The following PCMTD1 variants were observed in gnomAD, a reference collection of about 807,000 sequenced individuals.
PCMTD1 encodes protein-L-isoaspartate O-methyltransferase domain-containing protein 1.
A neutral mutation model predicts 37.6 loss-of-function variants in PCMTD1; 12 were observed. That is an observed-to-expected ratio of 0.32 (90% CI 0.20 to 0.52). The LOEUF (loss-of-function observed/expected upper bound fraction) is 0.52, where lower values mean the gene tolerates loss of function less well. PCMTD1 is among the 20% of genes least tolerant of loss of function. The pLI is 0.97. For synonymous variants in PCMTD1, 117 were observed against 135.8 expected (o/e 0.86, Z 0.96); for missense variants, 235 against 421.3 (o/e 0.56, Z 3.87).
intron 1 of PCMTD1, among the ~76,000 whole-genome samples, chr8:51,869,215 T>G (rs1383723998): frequency 1.3e-5 from 2 of 152,198 alleles, no homozygotes; most frequent in East Asian, 3.8e-4. Flanking sequence ...ACAATTTTTT[T>G]TATGAAAGTA....
At chr8:51,825,920 T>C (rs2037915380) in intron 5 of PCMTD1, among the ~76,000 whole-genome samples, 1 of 134,168 alleles carries the variant, frequency 7.5e-6, no homozygotes, top group East Asian at 1.9e-4. Context: ...GTAAATTAGT[T>C]CAACCATTGT....
intron 3 of PCMTD1, among the ~76,000 whole-genome samples, chr8:51,842,407 T>C (rs1390889941): frequency 6.6e-6 from 1 of 152,142 alleles, no homozygotes; most frequent in Non-Finnish European, 1.5e-5. Flanking sequence ...CTTGGCTTAC[T>C]GCAACCTCTG....
At chr8:51,852,014 G>A (rs2038315470) in intron 2 of PCMTD1, among the ~76,000 whole-genome samples, 1 of 152,106 alleles carries the variant, frequency 6.6e-6, no homozygotes, top group Non-Finnish European at 1.5e-5. Flanking sequence ...TCATTCCACT[G>A]CACATCTATT....
intron 1 of PCMTD1, among the ~76,000 whole-genome samples, chr8:51,896,854 G>C (rs1180719035): frequency 1.4e-5 from 2 of 145,088 alleles, no homozygotes; most frequent in African/African-American, 5.1e-5. Context: ...CTTGGATTAA[G>C]CACTCCTGAA....
intron 5 of PCMTD1, among the ~76,000 whole-genome samples, chr8:51,821,108 T>G (rs570435596): frequency 6.6e-6 from 1 of 152,186 alleles, no homozygotes; most frequent in Non-Finnish European, 1.5e-5. Context: ...TACTTATTCA[T>G]AACAACAGAT....
chr8:51,848,745 AAAC>A (rs1462269238), intron 2 of PCMTD1, among the ~76,000 whole-genome samples: 1 of 152,186 alleles, frequency 6.6e-6, no homozygotes, highest in Non-Finnish European at 1.5e-5. Flanking sequence ...AGAATTTGAC[AAAC>A]AATATAAATA....
chr8:51,871,424 C>T (rs1275044684), intron 1 of PCMTD1, among the ~76,000 whole-genome samples: 1 of 152,202 alleles, frequency 6.6e-6, no homozygotes, highest in Non-Finnish European at 1.5e-5. Flanking sequence ...TCCGTGCTCA[C>T]AGGGAGTCTC....
intron 2 of PCMTD1, among the ~76,000 whole-genome samples, chr8:51,857,716 T>C (rs550691257): frequency 2.6e-5 from 4 of 152,290 alleles, no homozygotes; most frequent in African/African-American, 7.2e-5. Context: ...CAATTTGAAA[T>C]TGAAAAACAT....
intron 2 of PCMTD1, among the ~76,000 whole-genome samples, chr8:51,846,059 G>T (rs1280098988): frequency 6.6e-6 from 1 of 152,150 alleles, no homozygotes; most frequent in Admixed American, 6.6e-5. Context: ...GGACAAAACT[G>T]CCAAAAGAAT....
intron 1 of PCMTD1, among the ~76,000 whole-genome samples, chr8:51,869,576 C>T (rs1563355465): frequency 1.3e-5 from 2 of 152,048 alleles, no homozygotes; most frequent in Non-Finnish European, 2.9e-5. Context: ...ACTTCAGTCA[C>T]AATTTTTACT....
In PCMTD1 at chr8:51,898,947, G is replaced by T; in HGVS notation, c.-113C>A. On this transcript the variant is annotated 5_prime_UTR_variant, in exon 1 of 6. Transcript: ENST00000522514. Reference sequence around the variant, plus strand: ...GGCGTTACCTGTGGCGCGGGCAGCGGCGCGCAGGCCAGGCGCTAGGACTCG... The same window carrying T: ...GGCGTTACCTGTGGCGCGGGCAGCGTCGCGCAGGCCAGGCGCTAGGACTCG... 1 of 1,417,954 alleles carries T rather than the reference G, an allele frequency of 7.1e-7. No homozygotes were observed. Among genetic ancestry groups the T allele is most frequent in the Non-Finnish European group, 9.2e-7 (1 of 1,086,820 alleles). 87.8% of individuals were successfully genotyped at this position (1,417,954 alleles called of 1,614,324 possible). A position where few individuals can be genotyped will look rare whatever the true frequency, so the allele number is the denominator to read the frequency against.
intron 2 of PCMTD1, among the ~76,000 whole-genome samples, chr8:51,857,380 T>C (rs925334001): frequency 1.3e-5 from 2 of 152,206 alleles, no homozygotes; most frequent in African/African-American, 2.4e-5. Context: ...ATAAGATACC[T>C]AGAATTTTTA....
intron 1 of PCMTD1, among the ~76,000 whole-genome samples, chr8:51,892,161 T>G (rs1482868777): frequency 6.6e-6 from 1 of 152,176 alleles, no homozygotes; most frequent in Non-Finnish European, 1.5e-5. Context: ...AATAACCACA[T>G]ACAATATTGT....
chr8:51,871,127 A>G (rs2038633406), intron 1 of PCMTD1, among the ~76,000 whole-genome samples: 1 of 152,172 alleles, frequency 6.6e-6, no homozygotes, highest in Non-Finnish European at 1.5e-5. Flanking sequence ...AAGACTGGAA[A>G]GGGGAAACAA....
At chr8:51,830,143 C>G (rs1232696825) in intron 5 of PCMTD1, among the ~76,000 whole-genome samples, 1 of 152,168 alleles carries the variant, frequency 6.6e-6, no homozygotes, top group African/African-American at 2.4e-5. Flanking sequence ...TTGTTGGCCC[C>G]TCCTTCGCTA....
intron 4 of PCMTD1, among the ~76,000 whole-genome samples, chr8:51,832,813 T>C (rs2038015953): frequency 6.6e-6 from 1 of 152,210 alleles, no homozygotes; most frequent in African/African-American, 2.4e-5. Flanking sequence ...GTTTTATTAA[T>C]GAAGTTAAGT....
At chr8:51,827,206 A>AT (rs1451581050) in intron 5 of PCMTD1, 2 of 1,137,380 alleles carry the variant, frequency 1.8e-6, no homozygotes, top group African/African-American at 1.6e-5. Flanking sequence ...TGAAGCTTTT[A>AT]TTTTTTAGAA....
chr8:51,860,014 T>C (rs1290441115), intron 2 of PCMTD1, among the ~76,000 whole-genome samples: 4 of 152,194 alleles, frequency 2.6e-5, no homozygotes, highest in Admixed American at 2.0e-4. Flanking sequence ...GTAAACTTCA[T>C]GGTTGGTCAT....
intron 1 of PCMTD1, among the ~76,000 whole-genome samples, chr8:51,885,977 T>C (rs2038860141): frequency 1.3e-5 from 2 of 152,254 alleles, no homozygotes; most frequent in South Asian, 2.1e-4. Flanking sequence ...TTTTTAAATG[T>C]GTACTTACAG....
Sources: allele counts gnomAD v4.1 joint callset (sites outside exome capture counted in the v4.1 genomes callset), GRCh38; gene constraint gnomAD v4.1.1; transcripts MANE v1.5; gene names NCBI Gene and HGNC (gene_info 2026-07-23, HGNC 2026-07-21).